PCBP3: variants seen among roughly 807,000 people sequenced by gnomAD.
The protein encoded by PCBP3 is poly(rC)-binding protein 3.
PCBP3 carries 25 observed loss-of-function variants against 52.7 expected under a neutral mutation model. The ratio of observed to expected loss-of-function variants is 0.47; its 90% CI spans 0.35 to 0.66. PCBP3 has a LOEUF of 0.66. PCBP3 is among the 30% of genes least tolerant of loss of function. The pLI is 0.01. For synonymous variants in PCBP3, 162 were observed against 183.0 expected, an observed-to-expected ratio of 0.89 and a Z score of 0.93; for missense variants, 391 against 490.3, an observed-to-expected ratio of 0.80 and a Z score of 1.91.
intron 5 of PCBP3, among the ~76,000 whole-genome samples, chr21:45,886,098 G>A: frequency 2.0e-5 from 2 of 101,394 alleles, no homozygotes; most frequent in East Asian, 4.0e-4. Flanking sequence ...ACGTGGTGAG[G>A]TGTGGAGGAG....
At chr21:45,900,682 C>G in intron 8 of PCBP3, 59 bp downstream of exon 8, 1 of 1,180,828 alleles carries the variant, frequency 8.5e-7, no homozygotes. Context: ...GGGTGGGTCC[C>G]CAGGCTCTGC....
chr21:45,927,870 T>C (rs1164841094), intron 13 of PCBP3, among the ~76,000 whole-genome samples: 1 of 152,156 alleles, frequency 6.6e-6, no homozygotes, highest in East Asian at 1.9e-4. Context: ...CCAACCCCTG[T>C]AGAGCCCAGG....
At chr21:45,797,751 A>G (rs1176176220) in intron 4 of PCBP3, among the ~76,000 whole-genome samples, 5 of 5,370 alleles carry the variant, frequency 9.3e-4, no homozygotes, top group Non-Finnish European at 1.7e-3. Flanking sequence ...ATCCATAGAG[A>G]GAGTGAATGG....
At chr21:45,777,023 T>C (rs1188648319) in intron 4 of PCBP3, among the ~76,000 whole-genome samples, 1 of 152,206 alleles carries the variant, frequency 6.6e-6, no homozygotes, top group African/African-American at 2.4e-5. Flanking sequence ...TATGTTTTCA[T>C]GTATTTTCAT....
intron 4 of PCBP3, among the ~76,000 whole-genome samples, chr21:45,823,577 G>C (rs779454372): frequency 1.3e-5 from 2 of 152,084 alleles, no homozygotes; most frequent in African/African-American, 2.4e-5. Context: ...CATGGGCTGC[G>C]ATCTTTGGCT....
chr21:45,650,163 CA>C (rs79080643), intron 1 of PCBP3, among the ~76,000 whole-genome samples: 33 of 134,236 alleles, frequency 2.5e-4, no homozygotes, highest in South Asian at 2.4e-4. Context: ...CCCATTTTTA[CA>C]AAAAAAAAAA....
intron 4 of PCBP3, among the ~76,000 whole-genome samples, chr21:45,811,483 A>G (rs1230368022): frequency 1.3e-5 from 2 of 152,286 alleles, no homozygotes; most frequent in East Asian, 3.8e-4. Flanking sequence ...TGGATAATCC[A>G]GGATAATCTC....
intron 4 of PCBP3, among the ~76,000 whole-genome samples, chr21:45,819,143 G>A (rs1362146304): frequency 6.6e-6 from 1 of 152,120 alleles, no homozygotes; most frequent in Non-Finnish European, 1.5e-5. Flanking sequence ...GAGCCCTGCT[G>A]TGAACTCTGG....
At position 45,896,380 on chromosome 21, in the gene PCBP3, T is replaced by C. The variant is rs1335043368; in HGVS notation, c.165+18T>C. The C allele has an allele frequency of 1.9e-6, 3 of 1,551,074 alleles. No individual in the cohort carries two copies. The highest frequency in any genetic ancestry group is 2.4e-5 in the South Asian group (2 of 84,056). On this transcript the variant is annotated intron_variant, in intron 6 of 17. Transcript: ENST00000681687. ...ATGGAAAGGTAAGAGGAGCCGCCAT[T>C]GTCTCTGTAGGAAAGGCGGCCGCGG...
chr21:45,893,969 C>T (rs1208872957), intron 5 of PCBP3: 1 of 985,584 alleles, frequency 1.0e-6, no homozygotes. Context: ...ACAGCAGCAG[C>T]CGCAGAGGTG....
chr21:45,780,685 G>A (rs958245812), intron 4 of PCBP3, among the ~76,000 whole-genome samples: 25 of 152,190 alleles, frequency 1.6e-4, no homozygotes, highest in African/African-American at 5.5e-4. Flanking sequence ...AGCAATGGAA[G>A]CATTTGTATT....
intron 4 of PCBP3, among the ~76,000 whole-genome samples, chr21:45,773,032 T>C (rs1427263721): frequency 6.6e-6 from 1 of 152,144 alleles, no homozygotes. Flanking sequence ...CAGGTTGTCT[T>C]TTCACTCTGC....
At chr21:45,869,735 C>A (rs889978922) in intron 5 of PCBP3, among the ~76,000 whole-genome samples, 8 of 152,130 alleles carry the variant, frequency 5.3e-5, no homozygotes, top group Non-Finnish European at 1.2e-4. Context: ...GGAGTGTGAC[C>A]CCAGGGCCCC....
chr21:45,652,849 G>C (rs192524668), intron 1 of PCBP3, among the ~76,000 whole-genome samples: 62 of 152,162 alleles, frequency 4.1e-4, no homozygotes, highest in African/African-American at 1.3e-3. Flanking sequence ...TGAGATGAAT[G>C]CTTAATTTAT....
In PCBP3 at chr21:45,837,961, A is replaced by G. The variant is rs1359339756; in HGVS notation, c.-125-12000A>G. On this transcript the variant is annotated intron_variant, in intron 4 of 17. Coordinates refer to ENST00000681687, the MANE Select transcript of PCBP3 (RefSeq NM_001384156.1). This position sits in a 1 kb window ranked among gnomAD's most constrained non-coding sequence, Gnocchi z 4.1. ...TAATTGTGTTGTTCTTTCTGTACTTATTAGTTGGGATTCATCTATGTGGAA... is the reference window on the plus strand; with the variant it reads ...TAATTGTGTTGTTCTTTCTGTACTTGTTAGTTGGGATTCATCTATGTGGAA... 2.6e-5 allele frequency among the ~76,000 whole-genome samples: 4 copies of G among 152,342 alleles called. No homozygotes were observed. The highest frequency in any genetic ancestry group is 3.9e-4 in the East Asian group (2 of 5,188).
chr21:45,937,753 A>G (rs547415497), intron 16 of PCBP3, among the ~76,000 whole-genome samples: 2 of 152,286 alleles, frequency 1.3e-5, no homozygotes, highest in African/African-American at 4.8e-5. Flanking sequence ...GGCTCAGCCT[A>G]GAAGGCATCC....
chr21:45,799,327 C>T (rs1334281896), intron 4 of PCBP3, among the ~76,000 whole-genome samples: 1 of 152,166 alleles, frequency 6.6e-6, no homozygotes, highest in Non-Finnish European at 1.5e-5. Flanking sequence ...CACAGTTTCA[C>T]TTTCTGTGAT....
In PCBP3 at chr21:45,940,111, A is replaced by G; in HGVS notation, c.991A>G (p.Asn331Asp). 6.2e-7 allele frequency: 1 copy of G among 1,614,182 alleles called. No individual in the cohort carries two copies. Among genetic ancestry groups the G allele is most frequent in the African/African-American group, 1.3e-5 (1 of 75,070 alleles). The change falls in exon 17 of 18, where the codon AAC becomes GAC. Residue 331 changes from asparagine (N) to aspartate (D), a missense_variant. Physicochemically the swap from Asn to Asp is conservative, Grantham distance 23 (BLOSUM62 1). Transcript: ENST00000681687. ...GTCTGGAGCTCAGATCAAAATCGCC[A>G]ACGCCACGGAAGGGTCCTCAGAGCG... ...QMSGAQIKIA[N>D]ATEGSSERQI...
intron 4 of PCBP3, among the ~76,000 whole-genome samples, chr21:45,777,892 T>A (rs1443380060): frequency 1.3e-5 from 2 of 151,992 alleles, no homozygotes; most frequent in Admixed American, 6.5e-5. Context: ...TTTGAATTCT[T>A]TATTTGGGAT....
Sources: gnomAD v4.1 joint callset for allele counts (sites outside exome capture counted in the v4.1 genomes callset) on GRCh38, gnomAD v4.1.1 for gene constraint, Gnocchi (gnomAD v3.1) non-coding constraint, MANE v1.5 for transcripts, NCBI Gene and HGNC (gene_info 2026-07-23, HGNC 2026-07-21) for gene names.